The following AIFM1 variants were observed in gnomAD, a reference collection of about 807,000 sequenced individuals.
The protein encoded by AIFM1 is apoptosis inducing factor mitochondria associated 1.
AIFM1 carries 3 observed loss-of-function variants against 51.7 expected under a neutral mutation model. The observed-to-expected ratio is 0.06, with a 90% CI of 0.03 to 0.15. AIFM1 has a LOEUF of 0.15. Ranked by LOEUF, AIFM1 falls within the 10% of genes least tolerant of loss-of-function variation. The pLI is 1.00. For synonymous variants in AIFM1, 178 were observed against 179.4 expected, an observed-to-expected ratio of 0.99 and a Z score of 0.06; for missense variants, 330 against 476.8, an observed-to-expected ratio of 0.69 and a Z score of 2.87.
intron 1 of AIFM1, among the ~76,000 whole-genome samples, chrX:130,162,572 T>C (rs2031386501): frequency 1.8e-5 from 2 of 112,459 alleles, no homozygotes; most frequent in Admixed American, 1.9e-4. Flanking sequence ...AAAGAATTTC[T>C]TCTGCAAAGC....
At chrX:130,138,853 T>G (rs1430262801) in intron 8 of AIFM1, 152 bp from the exon 9 acceptor site, 1 of 471,855 alleles carries the variant, frequency 2.1e-6, no homozygotes, top group African/African-American at 2.4e-5. Context: ...TAATGCAAAT[T>G]TATTTCTTCA....
intron 8 of AIFM1, among the ~76,000 whole-genome samples, chrX:130,139,283 G>A (rs1384273880): frequency 9.2e-6 from 1 of 108,301 alleles, no homozygotes; most frequent in Non-Finnish European, 1.9e-5. Context: ...AGTGAGCCAA[G>A]ATCGCACCAC....
rs2031119228 is a variant in AIFM1 at position 130,155,043 on chromosome X, T to C, written c.249+1418A>G. 3 of 985,325 alleles carry C rather than the reference T, an allele frequency of 3.0e-6. No homozygotes were observed. In the Admixed American group the frequency reaches 6.7e-5, roughly 22 times the overall value. The allele number at this position is 985,325 out of a possible 1,213,427, so 81.2% of individuals were successfully genotyped here. On this transcript the variant is annotated intron_variant, in intron 2 of 15. Transcript: ENST00000287295. ...TGACAATGTCCCTTTAATAAACACC[T>C]AGAGAAAGCACATGCTGTGAATATT...
rs762564757 is a variant in AIFM1 at position 130,165,540 on chromosome X, G to A, written c.106+11C>T. 8.5e-7 allele frequency: 1 copy of A among 1,178,762 alleles called. No homozygotes were observed. The highest frequency in any genetic ancestry group is 3.1e-5 in the East Asian group (1 of 32,183). On this transcript the variant is annotated intron_variant, in intron 1 of 15. Coordinates refer to ENST00000287295, the MANE Select transcript of AIFM1 (RefSeq NM_004208.4). ...CTCGGACTTGGAGGTTGCCTGGAATGGGTCAGTCACCTGGGAGCCGGTTCC... is the reference window on the plus strand; with the variant it reads ...CTCGGACTTGGAGGTTGCCTGGAATAGGTCAGTCACCTGGGAGCCGGTTCC...
chrX:130,151,595 G>A (rs1175931643), intron 2 of AIFM1, among the ~76,000 whole-genome samples: 3 of 111,895 alleles, frequency 2.7e-5, no homozygotes, highest in African/African-American at 9.7e-5. Context: ...GTACTGTATG[G>A]GAAAAGACAA....
chrX:130,130,924 C>G (rs1330076199), intron 14 of AIFM1, among the ~76,000 whole-genome samples: 1 of 112,176 alleles, frequency 8.9e-6, no homozygotes, highest in African/African-American at 3.2e-5. Context: ...TAGGAGAGAT[C>G]AGAATTAAGG....
At position 130,133,475 on chromosome X, in the gene AIFM1, A is replaced by C. The variant is rs1203033855; in HGVS notation, c.1306-20T>G. The C allele has an allele frequency of 1.7e-6, 2 of 1,205,399 alleles. No homozygotes were observed. The highest frequency in any genetic ancestry group is 3.6e-5 in the South Asian group (2 of 55,899). On this transcript the variant is annotated intron_variant, in intron 12 of 15. Coordinates refer to ENST00000287295, the MANE Select transcript of AIFM1 (RefSeq NM_004208.4). ...TCCTGCCTGTGGAAACAAATACATA[A>C]CATGAACACATGATAAAAAAAAAAA...
chrX:130,159,010 A>T (rs694727), intron 1 of AIFM1, among the ~76,000 whole-genome samples: 54,188 of 110,425 alleles, frequency 0.49, 10,322 homozygotes, highest in African/African-American at 0.69. Context: ...ACCATGTATA[A>T]TTTGGAACTT....
intron 8 of AIFM1, among the ~76,000 whole-genome samples, chrX:130,139,332 G>GAA (rs1178707079): frequency 1.1e-5 from 1 of 94,083 alleles, no homozygotes; most frequent in Non-Finnish European, 2.1e-5. Context: ...ATTCAGTCTC[G>GAA]AAAAAAAAAA....
At chrX:130,132,538 C>T (rs1384041041) in intron 13 of AIFM1, among the ~76,000 whole-genome samples, 5 of 112,074 alleles carry the variant, frequency 4.5e-5, no homozygotes, top group Non-Finnish European at 7.5e-5. Context: ...TCCCCTTAGC[C>T]TCCACTTTTC....
chrX:130,137,713 A>G (rs1008769715), intron 9 of AIFM1: 8 of 1,058,904 alleles, frequency 7.6e-6, no homozygotes, highest in East Asian at 3.5e-5. Flanking sequence ...ACTTTCCTTA[A>G]TATTTTATTT....
intron 1 of AIFM1, among the ~76,000 whole-genome samples, chrX:130,161,564 T>C (rs181890522): frequency 1.9e-5 from 2 of 107,011 alleles, no homozygotes; most frequent in Admixed American, 2.0e-4. Context: ...CTGTCCATTG[T>C]AGATAAATGA....
rs759767218 is a variant in AIFM1 at position 130,149,572 on chromosome X, C to T, written c.250-4G>A. Reference sequence around the variant, plus strand: ...CCTCTTTCATAGTCTTGTAGGCCTGCGGATCCAAACATGGAGAAAGTTTAT... The same window carrying T: ...CCTCTTTCATAGTCTTGTAGGCCTGTGGATCCAAACATGGAGAAAGTTTAT... On this transcript the variant is annotated splice_polypyrimidine_tract_variant and splice_region_variant and intron_variant, in intron 2 of 15. Coordinates refer to ENST00000287295, the MANE Select transcript of AIFM1 (RefSeq NM_004208.4). The T allele has an allele frequency of 1.5e-5, 18 of 1,162,057 alleles. No homozygotes were observed. In the East Asian group the frequency reaches 3.6e-4, roughly 23 times the overall value.
At chrX:130,165,511 G>A (rs769507392) in intron 1 of AIFM1, 40 bp downstream of exon 1, 1 of 1,107,158 alleles carries the variant, frequency 9.0e-7, no homozygotes, top group Non-Finnish European at 1.2e-6. Context: ...TAAGGCGCCA[G>A]GCCCTCGGAC....
intron 2 of AIFM1, among the ~76,000 whole-genome samples, chrX:130,150,433 T>A (rs2030924019): frequency 1.0e-5 from 1 of 97,484 alleles, no homozygotes; most frequent in South Asian, 5.3e-4. Context: ...CCTCCCGGGT[T>A]CACGCCATTC....
chrX:130,149,434 T>A, intron 3 of AIFM1, 35 bp downstream of exon 3: 1 of 1,117,209 alleles, frequency 9.0e-7, no homozygotes, highest in East Asian at 3.0e-5. Flanking sequence ...CCTTTGTGAG[T>A]CTCAAATCAT....
At chrX:130,163,075 C>T (rs1467056810) in intron 1 of AIFM1, among the ~76,000 whole-genome samples, 1 of 110,922 alleles carries the variant, frequency 9.0e-6, no homozygotes, top group East Asian at 2.8e-4. Flanking sequence ...GTTTGGGAGG[C>T]TGAAGCAGGT....
At chrX:130,155,134 T>C in intron 2 of AIFM1, 1 of 1,210,224 alleles carries the variant, frequency 8.3e-7, no homozygotes, top group Non-Finnish European at 1.1e-6. Flanking sequence ...CCCCAAAATA[T>C]GTTTTAGTGT....
At chrX:130,151,740 C>A (rs910710381) in intron 2 of AIFM1, among the ~76,000 whole-genome samples, 2 of 112,376 alleles carry the variant, frequency 1.8e-5, no homozygotes, top group African/African-American at 6.5e-5. Context: ...AAAAACATTT[C>A]TTTTAAGAAA....
Sources: allele counts gnomAD v4.1 joint callset (sites outside exome capture counted in the v4.1 genomes callset), GRCh38; gene constraint gnomAD v4.1.1; transcripts MANE v1.5; gene names NCBI Gene and HGNC (gene_info 2026-07-23, HGNC 2026-07-21).